The following KCNH7 variants were observed in gnomAD, a reference collection of about 807,000 sequenced individuals.
KCNH7 encodes potassium voltage-gated channel subfamily H member 7, also known as voltage-gated inwardly rectifying potassium channel KCNH7.
Under a neutral mutation model 120.8 loss-of-function variants are expected in KCNH7, and 49 were observed. The ratio of observed to expected loss-of-function variants is 0.41; its 90% CI spans 0.32 to 0.51. The LOEUF is 0.51. KCNH7 is among the 20% of genes least tolerant of loss of function. The pLI is 0.38. For missense variants in KCNH7, 1,097 were observed against 1,446.6 expected (o/e 0.76, Z 3.92); for synonymous variants, 547 against 516.1 (o/e 1.06, Z -0.81).
intron 3 of KCNH7, among the ~76,000 whole-genome samples, chr2:162,528,604 G>A (rs1483750130): frequency 1.3e-5 from 2 of 151,956 alleles, no homozygotes; most frequent in Non-Finnish European, 2.9e-5. Flanking sequence ...GGCTGAAGAA[G>A]TATCAGAAGC....
intron 9 of KCNH7, among the ~76,000 whole-genome samples, chr2:162,413,623 T>G (rs1196059632): frequency 6.6e-6 from 1 of 152,146 alleles, no homozygotes; most frequent in Non-Finnish European, 1.5e-5. Context: ...AAACTAGATT[T>G]CAAACAGATT....
intron 2 of KCNH7, among the ~76,000 whole-genome samples, chr2:162,546,117 C>T (rs932790775): frequency 2.0e-5 from 3 of 152,110 alleles, no homozygotes; most frequent in African/African-American, 7.2e-5. Context: ...CTTAAGATGT[C>T]CTATGGTGCT....
At chr2:162,387,107 C>T (rs1440985759) in intron 12 of KCNH7, among the ~76,000 whole-genome samples, 2 of 150,046 alleles carry the variant, frequency 1.3e-5, no homozygotes, top group African/African-American at 4.9e-5. Context: ...TTGAATTTTC[C>T]CCATTGGTAA....
At chr2:162,630,400 T>C (rs866249017) in intron 2 of KCNH7, among the ~76,000 whole-genome samples, 11 of 151,664 alleles carry the variant, frequency 7.3e-5, no homozygotes, top group African/African-American at 2.7e-4. Flanking sequence ...AGAAGTACAC[T>C]AAGGACAAGA....
chr2:162,603,288 T>A (rs1428018383), intron 2 of KCNH7, among the ~76,000 whole-genome samples: 1 of 151,974 alleles, frequency 6.6e-6, no homozygotes, highest in Non-Finnish European at 1.5e-5. Flanking sequence ...TAAAATAAAA[T>A]ATGGTGGTTT....
At chr2:162,569,834 G>A (rs1210371870) in intron 2 of KCNH7, among the ~76,000 whole-genome samples, 1 of 132,178 alleles carries the variant, frequency 7.6e-6, no homozygotes, top group Non-Finnish European at 1.6e-5. Context: ...ATGTAGTTGA[G>A]TGGTTTTGAG....
At chr2:162,483,517 T>A (rs1689996578) in intron 6 of KCNH7, among the ~76,000 whole-genome samples, 1 of 152,112 alleles carries the variant, frequency 6.6e-6, no homozygotes, top group East Asian at 1.9e-4. Context: ...TCCTAAGGAA[T>A]GGGAGTTCAC....
At chr2:162,802,490 C>T (rs1004434508) in intron 2 of KCNH7, among the ~76,000 whole-genome samples, 1 of 151,616 alleles carries the variant, frequency 6.6e-6, no homozygotes, top group Non-Finnish European at 1.5e-5. Flanking sequence ...GCAATTAATT[C>T]TCAGTGGGGT....
intron 2 of KCNH7, among the ~76,000 whole-genome samples, chr2:162,671,444 T>A (rs1339975358): frequency 6.6e-6 from 1 of 151,398 alleles, no homozygotes; most frequent in Non-Finnish European, 1.5e-5. Context: ...TAGTCCTAAG[T>A]GAAATGACTC....
At chr2:162,605,131 A>T (rs1682696517) in intron 2 of KCNH7, among the ~76,000 whole-genome samples, 1 of 152,120 alleles carries the variant, frequency 6.6e-6, no homozygotes, top group Non-Finnish European at 1.5e-5. Flanking sequence ...CTCTTACATT[A>T]ACCTGAAATG....
At chr2:162,654,164 A>T (rs555647518) in intron 2 of KCNH7, among the ~76,000 whole-genome samples, 1 of 152,138 alleles carries the variant, frequency 6.6e-6, no homozygotes, top group South Asian at 2.1e-4. Flanking sequence ...ATCCAAAAAA[A>T]AAGCTCATAC....
intron 2 of KCNH7, among the ~76,000 whole-genome samples, chr2:162,598,649 T>G (rs187948871): frequency 2.6e-5 from 4 of 152,286 alleles, no homozygotes; most frequent in Admixed American, 6.5e-5. Flanking sequence ...CTCCTGTATT[T>G]ATAACTATAA....
chr2:162,832,043 T>A (rs1685496014), intron 2 of KCNH7, among the ~76,000 whole-genome samples: 1 of 152,152 alleles, frequency 6.6e-6, no homozygotes, highest in African/African-American at 2.4e-5. Flanking sequence ...CTGGATAACA[T>A]TCAAAGTCCA....
chr2:162,812,251 G>A (rs1684756347), intron 2 of KCNH7, among the ~76,000 whole-genome samples: 1 of 152,036 alleles, frequency 6.6e-6, no homozygotes, highest in African/African-American at 2.4e-5. Context: ...CTAAATATTT[G>A]AGGAAAAGTG....
chr2:162,738,946 T>C (rs145107462), intron 2 of KCNH7, among the ~76,000 whole-genome samples: 405 of 152,212 alleles, frequency 2.7e-3, no homozygotes, highest in African/African-American at 9.0e-3. Flanking sequence ...TCAGCCTAAT[T>C]TCTAGTTCAT....
intron 2 of KCNH7, among the ~76,000 whole-genome samples, chr2:162,650,424 G>A (rs1173039878): frequency 6.6e-6 from 1 of 152,020 alleles, no homozygotes; most frequent in Non-Finnish European, 1.5e-5. Context: ...CAGTTGTTCA[G>A]GAATATTCTT....
intron 2 of KCNH7, among the ~76,000 whole-genome samples, chr2:162,826,338 AT>A (rs760599103): frequency 1.6e-4 from 25 of 151,972 alleles, no homozygotes; most frequent in Non-Finnish European, 2.6e-4. Context: ...ATGTAGAGAT[AT>A]TTTTCCTTTT....
intron 10 of KCNH7, 35 bp downstream of exon 10, chr2:162,400,154 C>G: frequency 1.2e-6 from 2 of 1,604,700 alleles, no homozygotes; most frequent in Non-Finnish European, 1.7e-6. Flanking sequence ...AAGCTAATAA[C>G]TGAATCTGTC....
chr2:162,516,681 A>G (rs1376854286), intron 4 of KCNH7, among the ~76,000 whole-genome samples: 1 of 151,740 alleles, frequency 6.6e-6, no homozygotes, highest in Non-Finnish European at 1.5e-5. Context: ...TGATGTACCC[A>G]TGCCAGGAAC....
Sources: gnomAD v4.1 joint callset for allele counts (sites outside exome capture counted in the v4.1 genomes callset) on GRCh38, gnomAD v4.1.1 for gene constraint, MANE v1.5 for transcripts, NCBI Gene and HGNC (gene_info 2026-07-23, HGNC 2026-07-21) for gene names.